Variants in ADORA2A observed in about 807,000 individuals in gnomAD.
ADORA2A encodes the protein adenosine A2a receptor.
ADORA2A carries 11 observed loss-of-function variants against 18.4 expected under a neutral mutation model. The observed-to-expected ratio is 0.60, with a 90% CI of 0.38 to 0.99. The LOEUF is 0.99. ADORA2A is among the 50% of genes least tolerant of loss of function. ADORA2A has a pLI of 0.01. For missense variants in ADORA2A, 449 were observed against 556.1 expected, an observed-to-expected ratio of 0.81 and a Z score of 1.94; for synonymous variants, 218 against 237.3, an observed-to-expected ratio of 0.92 and a Z score of 0.75.
chr22:24,440,182 G>A (rs1247838196), intron 2 of ADORA2A, among the ~76,000 whole-genome samples: 2 of 152,158 alleles, frequency 1.3e-5, no homozygotes, highest in East Asian at 1.9e-4. Flanking sequence ...TTAAGGCTGC[G>A]ACCAACATGG....
At position 24,440,834 on chromosome 22, in the gene ADORA2A, G is replaced by C. The variant is rs201680338; in HGVS notation, c.584G>C (p.Gly195Ala). The C allele has an allele frequency of 1.4e-5, 23 of 1,614,190 alleles. No homozygotes were observed. Among genetic ancestry groups the C allele is most frequent in the Non-Finnish European group, 1.9e-5 (22 of 1,180,054 alleles). Residue 195 changes from glycine to alanine, a missense_variant, in exon 3 of 3, where the codon GGT becomes GCT. Gly to Ala is a moderately conservative substitution (Grantham distance 60). Coordinates refer to ENST00000337539, the MANE Select transcript of ADORA2A (RefSeq NM_000675.6). ...CVLVPLLLML[G>A]VYLRIFLAAR... ...CTGGTGCCCCTGCTGCTCATGCTGG[G>C]TGTCTATTTGCGGATCTTCCTGGCG...
At chr22:24,424,300 G>A (rs9624470), upstream of ADORA2A, 72,033 of 151,976 alleles carry the variant, frequency 0.47, 18,520 homozygotes, top group Non-Finnish European at 0.58. This position sits in a 1 kb window ranked among gnomAD's most constrained non-coding sequence, Gnocchi z 4.9. Context: ...AGGCGGGGAG[G>A]GAAGGCAAGT....
At chr22:24,431,219 C>T in intron 1 of ADORA2A, 1 of 456,788 alleles carries the variant, frequency 2.2e-6, no homozygotes. Context: ...CGGCCCTCTC[C>T]AGCTGCTGCA....
intron 2 of ADORA2A, chr22:24,439,333 T>A (rs1432225122): frequency 6.6e-6 from 1 of 152,104 alleles, no homozygotes; most frequent in African/African-American, 2.4e-5. Flanking sequence ...AGTGCTGGGA[T>A]TACAGGTGTG....
chr22:24,424,849 C>G (rs929965476), upstream of ADORA2A, among the ~76,000 whole-genome samples: 5 of 152,134 alleles, frequency 3.3e-5, no homozygotes, highest in Non-Finnish European at 7.4e-5. This position sits in a 1 kb window ranked among gnomAD's most constrained non-coding sequence, Gnocchi z 4.9. Context: ...GCCGGCAGAG[C>G]TGAGGTCCCT....
At chr22:24,430,120 T>A (rs1735821232) in intron 1 of ADORA2A, 1 of 152,360 alleles carries the variant, frequency 6.6e-6, no homozygotes, top group Non-Finnish European at 1.5e-5. Context: ...ACTCCACTGA[T>A]CTGCTTTGCT....
intron 2 of ADORA2A, 79 bp downstream of exon 2, chr22:24,433,815 C>T (rs1045469994): frequency 6.8e-7 from 1 of 1,471,470 alleles, no homozygotes; most frequent in African/African-American, 1.4e-5. Context: ...CAGGGTGAGC[C>T]TGGGATCAGG....
In ADORA2A at chr22:24,440,918, C is replaced by T; in HGVS notation, c.668C>T (p.Ser223Phe). 6.2e-7 allele frequency: 1 copy of T among 1,614,160 alleles called. No individual in the cohort carries two copies. Among genetic ancestry groups the T allele is most frequent in the Non-Finnish European group, 8.5e-7 (1 of 1,180,030 alleles). The stretch of plus-strand genomic sequence containing the variant: ...CCTCTGCCGGGGGAGCGGGCACGGT[C>T]CACACTGCAGAAGGAGGTCCATGCT... ...SQPLPGERARSTLQKEVHAAK... is the reference protein window; with the variant it reads ...SQPLPGERARFTLQKEVHAAK... The change falls in exon 3 of 3, where the codon TCC becomes TTC. Residue 223 changes from serine to phenylalanine, a missense_variant. By Grantham distance (155) the Ser-to-Phe change is radical. Transcript: ENST00000337539.
At chr22:24,423,958 G>T (rs937877950), upstream of ADORA2A, 10 of 152,034 alleles carry the variant, frequency 6.6e-5, no homozygotes. Flanking sequence ...CGAGCGGCAG[G>T]TCAGCCGGGG....
chr22:24,434,803 C>G (rs1400779368), intron 2 of ADORA2A, among the ~76,000 whole-genome samples: 1 of 152,244 alleles, frequency 6.6e-6, no homozygotes, highest in Non-Finnish European at 1.5e-5. Flanking sequence ...AGCGTCAAAG[C>G]CAAGGGGCCC....
At chr22:24,431,970 G>C (rs748882037) in intron 1 of ADORA2A, 1 of 164,400 alleles carries the variant, frequency 6.1e-6, no homozygotes, top group African/African-American at 2.4e-5. Context: ...CTGCCTCACC[G>C]TATCAATGAG....
intron 2 of ADORA2A, among the ~76,000 whole-genome samples, chr22:24,434,267 G>A (rs2043120848): frequency 6.6e-6 from 1 of 152,176 alleles, no homozygotes; most frequent in Non-Finnish European, 1.5e-5. Context: ...ACCCAGAGAG[G>A]GGAAGTGACT....
At chr22:24,434,372 G>A (rs745942321) in intron 2 of ADORA2A, among the ~76,000 whole-genome samples, 1 of 152,238 alleles carries the variant, frequency 6.6e-6, no homozygotes, top group Non-Finnish European at 1.5e-5. Flanking sequence ...CAGCCAGTGT[G>A]CTCAGGGGCT....
chr22:24,433,507 A>G lies in ADORA2A; in HGVS notation c.103A>G (p.Ser35Gly). Reference sequence around the variant, plus strand: ...GGTGTGCTGGGCCGTGTGGCTCAACAGCAACCTGCAGAACGTCACCAACTA... The same window carrying G: ...GGTGTGCTGGGCCGTGTGGCTCAACGGCAACCTGCAGAACGTCACCAACTA... ...VLVCWAVWLNSNLQNVTNYFV... is the reference protein window; with the variant it reads ...VLVCWAVWLNGNLQNVTNYFV... Residue 35 changes from serine to glycine, a missense_variant, in exon 2 of 3, where the codon AGC (serine) becomes GGC (glycine). Physicochemically the swap from Ser to Gly is moderately conservative, Grantham distance 56. Transcript: ENST00000337539. 1 of 1,614,218 alleles carries G rather than the reference A, an allele frequency of 6.2e-7. No homozygotes were observed. The highest frequency in any genetic ancestry group is 8.5e-7 in the Non-Finnish European group (1 of 1,180,046).
In ADORA2A at chr22:24,441,321, G is replaced by T; in HGVS notation, c.1071G>T (p.Arg357Ser). Residue 357 changes from arginine to serine, a missense_variant, in exon 3 of 3, where the codon AGG (arginine) becomes AGT (serine). Arg to Ser is a moderately radical substitution (Grantham distance 110, BLOSUM62 -1). Transcript: ENST00000337539. ...ANGSAPHPER[R>S]PNGYALGLVS... is the part of the protein sequence containing the mutation. ...GCAGTGCTCCCCACCCTGAGCGGAGGCCCAATGGCTATGCCCTGGGGCTGG... is the reference window on the plus strand; with the variant it reads ...GCAGTGCTCCCCACCCTGAGCGGAGTCCCAATGGCTATGCCCTGGGGCTGG... The T allele has an allele frequency of 6.2e-7, 1 of 1,605,246 alleles. No homozygotes were observed. The highest frequency in any genetic ancestry group is 8.5e-7 in the Non-Finnish European group (1 of 1,174,666).
In ADORA2A at chr22:24,433,739, G is replaced by A. The variant is rs1395112488; in HGVS notation, c.332+3G>A. The A allele has an allele frequency of 6.2e-7, 1 of 1,602,434 alleles. No homozygotes were observed. The highest frequency in any genetic ancestry group is 1.3e-5 in the African/African-American group (1 of 74,936). On this transcript the variant is annotated splice_donor_region_variant and intron_variant, in intron 2 of 2. Transcript: ENST00000337539. Reference sequence around the variant, plus strand: ...ATTGCCATCCGCATCCCGCTCCGGTGAGCAGGGCCGGGGTTACATCTGTGC... The same window carrying A: ...ATTGCCATCCGCATCCCGCTCCGGTAAGCAGGGCCGGGGTTACATCTGTGC...
chr22:24,426,885 T>C (rs1381177157), upstream of ADORA2A, among the ~76,000 whole-genome samples: 1 of 152,162 alleles, frequency 6.6e-6, no homozygotes, highest in Non-Finnish European at 1.5e-5. Context: ...AGATGATGTT[T>C]CTGTGAGTTG....
intron 2 of ADORA2A, among the ~76,000 whole-genome samples, chr22:24,434,254 A>G (rs747361325): frequency 6.6e-6 from 1 of 152,156 alleles, no homozygotes; most frequent in Non-Finnish European, 1.5e-5. Context: ...CATTAGGAAA[A>G]TGACCCAGAG....
intron 1 of ADORA2A, chr22:24,432,808 G>C (rs1369629010): frequency 6.5e-6 from 1 of 155,020 alleles, no homozygotes; most frequent in Admixed American, 6.4e-5. Flanking sequence ...CTCCTTGGGA[G>C]GGGTTTGTGT....
Sources: allele counts gnomAD v4.1 joint callset (sites outside exome capture counted in the v4.1 genomes callset), GRCh38; gene constraint gnomAD v4.1.1; non-coding constraint Gnocchi (gnomAD v3.1); transcripts MANE v1.5; gene names NCBI Gene and HGNC (gene_info 2026-07-23, HGNC 2026-07-21).